GABRA2: variants seen among roughly 807,000 people sequenced by gnomAD.
The protein encoded by GABRA2 is gamma-aminobutyric acid type A receptor subunit alpha2, also known as gamma-aminobutyric acid receptor subunit alpha-2.
A neutral mutation model predicts 48.7 loss-of-function variants in GABRA2; 16 were observed. The ratio of observed to expected loss-of-function variants is 0.33; its 90% CI spans 0.22 to 0.50. The LOEUF is 0.50. Ranked by LOEUF, GABRA2 falls within the 20% of genes least tolerant of loss-of-function variation. The probability of loss-of-function intolerance (pLI) is 0.98; values close to 1 mark genes in which losing one functional copy is unlikely to be tolerated. For missense variants in GABRA2, 275 were observed against 535.6 expected (o/e 0.51, Z 4.80); for synonymous variants, 185 against 184.5 (o/e 1.00, Z -0.02).
At chr4:46,389,207 C>A in intron 1 of GABRA2, 1 of 988,048 alleles carries the variant, frequency 1.0e-6, no homozygotes, top group Non-Finnish European at 1.2e-6. Context: ...GGCAGGCAGC[C>A]CACTTTTGCA....
intron 3 of GABRA2, among the ~76,000 whole-genome samples, chr4:46,373,863 A>G (rs1049717854): frequency 1.3e-5 from 2 of 152,094 alleles, no homozygotes; most frequent in Non-Finnish European, 2.9e-5. Flanking sequence ...TTGAATGATT[A>G]CCCTTACATG....
chr4:46,389,208 C>T, intron 1 of GABRA2: 2 of 988,158 alleles, frequency 2.0e-6, no homozygotes, highest in Non-Finnish European at 2.4e-6. Context: ...GCAGGCAGCC[C>T]ACTTTTGCAA....
rs11932060 is a variant in GABRA2 at position 46,245,083 on chromosome 4, G to T, written c.*5225C>A. On this transcript the variant is annotated 3_prime_UTR_variant, in exon 10 of 10. Coordinates refer to ENST00000381620, the MANE Select transcript of GABRA2 (RefSeq NM_000807.4). ...ACCTTTCCTATAATATATGTAAACT[G>T]GTATGTTGGTGTACTATATAGAAAT... is the stretch of plus-strand genomic sequence containing the variant. Among the ~76,000 whole-genome samples the T allele has an allele frequency of 0.087, 13,128 of 151,040 alleles. 1,878 individuals are homozygous for T. The highest frequency in any genetic ancestry group is 0.3 in the African/African-American group (12,430 of 41,242).
intron 3 of GABRA2, among the ~76,000 whole-genome samples, chr4:46,379,685 G>A (rs1488237596): frequency 6.6e-6 from 1 of 152,178 alleles, no homozygotes; most frequent in East Asian, 1.9e-4. Context: ...GAAAGGCAGA[G>A]AGACTAGATT....
intron 3 of GABRA2, among the ~76,000 whole-genome samples, chr4:46,375,429 T>C (rs1715544791): frequency 6.6e-6 from 1 of 152,186 alleles, no homozygotes; most frequent in Non-Finnish European, 1.5e-5. Flanking sequence ...TCTAGTTTTT[T>C]TTTCTTTTAC....
intron 3 of GABRA2, among the ~76,000 whole-genome samples, chr4:46,378,189 T>C: frequency 6.6e-6 from 1 of 151,930 alleles, no homozygotes; most frequent in Non-Finnish European, 1.5e-5. Context: ...CGGGCCATGA[T>C]GACAATGGCG....
chr4:46,322,856 C>T (rs1022680293), intron 4 of GABRA2, among the ~76,000 whole-genome samples: 4 of 151,956 alleles, frequency 2.6e-5, no homozygotes, highest in Admixed American at 6.6e-5. Context: ...CTTATGGCAG[C>T]AATCTGCAAA....
chr4:46,352,458 T>G (rs145592080), intron 3 of GABRA2, among the ~76,000 whole-genome samples: 193 of 152,196 alleles, frequency 1.3e-3, no homozygotes, highest in Non-Finnish European at 1.4e-3. Flanking sequence ...AATGTCTGCT[T>G]CTTCTCTCAG....
intron 8 of GABRA2, among the ~76,000 whole-genome samples, chr4:46,295,227 T>G (rs1186124782): frequency 2.0e-5 from 3 of 152,208 alleles, no homozygotes; most frequent in Non-Finnish European, 4.4e-5. Flanking sequence ...AACTTCGAAC[T>G]GTGCATCTGG....
At chr4:46,289,351 T>C (rs1167306864) in intron 8 of GABRA2, among the ~76,000 whole-genome samples, 1 of 152,216 alleles carries the variant, frequency 6.6e-6, no homozygotes, top group Admixed American at 6.5e-5. Context: ...ATATACACCA[T>C]GGAATACTAC....
At chr4:46,292,652 A>G (rs1337248195) in intron 8 of GABRA2, among the ~76,000 whole-genome samples, 1 of 152,144 alleles carries the variant, frequency 6.6e-6, no homozygotes, top group Non-Finnish European at 1.5e-5. Flanking sequence ...GTTTAGCTGA[A>G]ATATAAGTTA....
intron 8 of GABRA2, among the ~76,000 whole-genome samples, chr4:46,299,075 C>G (rs1475079503): frequency 6.6e-6 from 1 of 150,806 alleles, no homozygotes; most frequent in Non-Finnish European, 1.5e-5. Context: ...AAAATATCAC[C>G]TTTTTGTTCA....
intron 3 of GABRA2, among the ~76,000 whole-genome samples, chr4:46,357,579 G>A (rs1442762384): frequency 6.6e-6 from 1 of 151,006 alleles, no homozygotes; most frequent in Non-Finnish European, 1.5e-5. Context: ...AATGTGCCAG[G>A]CACTGTTCTA....
chr4:46,303,271 C>T lies in GABRA2; in HGVS notation c.856+189G>A, dbSNP rs190126517. ...AAGAATATTTGAGTACTTTTCTTTC[C>T]TTATATCCCTTATTAACAGTGTAGC... On this transcript the variant is annotated intron_variant, in intron 8 of 9. Transcript: ENST00000381620. 8.3e-4 allele frequency: 467 copies of T among 562,302 alleles called. 1 individual carries two copies. The highest frequency in any genetic ancestry group is 7.9e-3 in the African/African-American group (415 of 52,622). 34.8% of individuals were successfully genotyped at this position (562,302 alleles called of 1,614,324 possible). A position where few individuals can be genotyped will look rare whatever the true frequency, so the allele number is the denominator to read the frequency against.
intron 3 of GABRA2, among the ~76,000 whole-genome samples, chr4:46,359,271 G>A (rs80154332): frequency 3.9e-5 from 6 of 152,092 alleles, no homozygotes; most frequent in East Asian, 1.9e-4. Flanking sequence ...TTCTACTTTC[G>A]TTGTAAAGTC....
Position 46,299,346 on chromosome 4 carries a change from G to A in GABRA2, c.856+4114C>T, listed in dbSNP as rs75070260. ...CTCCTCTTCTTACTCCTTTATTTCT[G>A]ATGCATGTTGTGTTTGTTTAGTTCT... On this transcript the variant is annotated intron_variant, in intron 8 of 9. Coordinates refer to ENST00000381620, the MANE Select transcript of GABRA2 (RefSeq NM_000807.4). Among the ~76,000 whole-genome samples, 90 of 151,556 alleles carry A rather than the reference G, an allele frequency of 5.9e-4. 1 individual carries two copies. The East Asian group carries it at 0.014, about 23-fold the overall frequency.
chr4:46,389,944 G>C lies in GABRA2; in HGVS notation c.-220C>G. 1 of 988,624 alleles carries C rather than the reference G, an allele frequency of 1.0e-6. No homozygotes were observed. 61.2% of individuals were successfully genotyped at this position (988,624 alleles called of 1,614,324 possible). ...GAGCGCTAGGAGCCGCGGCGGCGGC[G>C]CGAGGTGTAGAAGGAGGCGAAGGCG... On this transcript the variant is annotated 5_prime_UTR_variant, in exon 1 of 10. Coordinates refer to ENST00000381620, the MANE Select transcript of GABRA2 (RefSeq NM_000807.4).
intron 3 of GABRA2, among the ~76,000 whole-genome samples, chr4:46,381,274 T>C (rs1273158141): frequency 6.6e-6 from 1 of 152,178 alleles, no homozygotes; most frequent in Admixed American, 6.6e-5. Context: ...CTTTTATTCA[T>C]TTAACAATGT....
At chr4:46,351,436 C>A (rs768842877) in intron 3 of GABRA2, among the ~76,000 whole-genome samples, 28 of 152,078 alleles carry the variant, frequency 1.8e-4, no homozygotes, top group Non-Finnish European at 3.4e-4. Context: ...TAATTTAATG[C>A]AAGTTCTTAA....
Sources: allele counts gnomAD v4.1 joint callset (sites outside exome capture counted in the v4.1 genomes callset), GRCh38; gene constraint gnomAD v4.1.1; transcripts MANE v1.5; gene names NCBI Gene and HGNC (gene_info 2026-07-23, HGNC 2026-07-21).